SLC2A13: variants seen among roughly 807,000 people sequenced by gnomAD.
SLC2A13 encodes proton myo-inositol cotransporter.
Under a neutral mutation model 64.4 loss-of-function variants are expected in SLC2A13, and 32 were observed. The observed-to-expected ratio is 0.50, with a 90% CI of 0.37 to 0.67. The LOEUF (loss-of-function observed/expected upper bound fraction) is 0.67. Among genes scored for constraint, SLC2A13 ranks in the 30% least tolerant of loss-of-function variants. SLC2A13 has a pLI of 0.00. For missense variants in SLC2A13, 743 were observed against 829.2 expected, an observed-to-expected ratio of 0.90 and a Z score of 1.28; for synonymous variants, 338 against 327.1, an observed-to-expected ratio of 1.03 and a Z score of -0.36.
chr12:39,797,738 A>ACACATACG (rs767623790), intron 7 of SLC2A13, among the ~76,000 whole-genome samples: 14,438 of 52,438 alleles, frequency 0.28, 887 homozygotes, highest in Non-Finnish European at 0.36. Flanking sequence ...ACACACACAC[A>ACACATACG]CACACACACA....
intron 7 of SLC2A13, among the ~76,000 whole-genome samples, chr12:39,806,991 T>C (rs1009660955): frequency 2.0e-5 from 3 of 152,190 alleles, no homozygotes; most frequent in Non-Finnish European, 4.4e-5. Flanking sequence ...TACGATCCTA[T>C]TTATTAAACG....
chr12:39,868,085 T>C (rs1017242584), intron 5 of SLC2A13, among the ~76,000 whole-genome samples: 3 of 152,230 alleles, frequency 2.0e-5, no homozygotes, highest in African/African-American at 7.2e-5. Flanking sequence ...CAGTCCCTTG[T>C]TAGTATTTAA....
At chr12:39,834,004 C>A (rs78763409) in intron 6 of SLC2A13, among the ~76,000 whole-genome samples, 2,137 of 151,632 alleles carry the variant, frequency 0.014, 39 homozygotes, top group African/African-American at 0.047. Flanking sequence ...AGAATCTGAA[C>A]AAACAGGCCT....
chr12:39,825,706 CTCT>C (rs1942650237), intron 7 of SLC2A13, among the ~76,000 whole-genome samples: 1 of 152,064 alleles, frequency 6.6e-6, no homozygotes, highest in African/African-American at 2.4e-5. Flanking sequence ...TGCCTTCTCT[CTCT>C]TCTTGATTAG....
chr12:39,875,214 TC>T (rs1426295692), intron 4 of SLC2A13, among the ~76,000 whole-genome samples: 1 of 152,204 alleles, frequency 6.6e-6, no homozygotes, highest in African/African-American at 2.4e-5. Context: ...TAGAGCTCTG[TC>T]CCTTCCTGGA....
intron 7 of SLC2A13, among the ~76,000 whole-genome samples, chr12:39,822,669 T>TAAA (rs1234534856): frequency 6.6e-6 from 1 of 152,206 alleles, no homozygotes; most frequent in African/African-American, 2.4e-5. Context: ...ATCCTTATAA[T>TAAA]AAAAATCTTA....
In SLC2A13 at chr12:39,817,512, T is replaced by C. The variant is rs191399701; in HGVS notation, c.1445+12591A>G. On this transcript the variant is annotated intron_variant, in intron 7 of 9. Transcript: ENST00000280871. ...ATTTTCTTGCCTGAAATGAAACTTT[T>C]GCATCATAAAACACCAAACTTTTAT... 1.8e-3 allele frequency among the ~76,000 whole-genome samples: 270 copies of C among 152,288 alleles called. 2 individuals carry two copies. Among genetic ancestry groups the C allele is most frequent in the Non-Finnish European group, 2.9e-3 (198 of 68,026 alleles).
At chr12:39,778,309 C>T (rs1422430747) in intron 7 of SLC2A13, among the ~76,000 whole-genome samples, 1 of 152,192 alleles carries the variant, frequency 6.6e-6, no homozygotes, top group East Asian at 1.9e-4. Flanking sequence ...TCAGTAGCAC[C>T]CTGCCCATGT....
intron 4 of SLC2A13, among the ~76,000 whole-genome samples, chr12:39,892,880 C>G (rs1232025366): frequency 6.6e-6 from 1 of 151,706 alleles, no homozygotes; most frequent in Non-Finnish European, 1.5e-5. Flanking sequence ...CTCAATAAAG[C>G]AAAATTGTAG....
chr12:39,951,383 G>A lies in SLC2A13; in HGVS notation c.926-18C>T, dbSNP rs199555618. On this transcript the variant is annotated intron_variant, in intron 3 of 9. Coordinates refer to ENST00000280871, the MANE Select transcript of SLC2A13 (RefSeq NM_052885.4). ...AGGTCCAGCTTTTTTAAGAAAGAAA[G>A]AAAAAAAAAATACAACTATTATTTT... The A allele has an allele frequency of 1.2e-4, 161 of 1,372,392 alleles. No homozygotes were observed. Among genetic ancestry groups the A allele is most frequent in the Admixed American group, 3.4e-4 (14 of 41,296 alleles). 85.0% of individuals were successfully genotyped at this position (1,372,392 alleles called of 1,614,324 possible). A position where few individuals can be genotyped will look rare whatever the true frequency, so the allele number is the denominator to read the frequency against.
At chr12:39,818,027 C>T (rs1942386790) in intron 7 of SLC2A13, among the ~76,000 whole-genome samples, 1 of 152,180 alleles carries the variant, frequency 6.6e-6, no homozygotes, top group Non-Finnish European at 1.5e-5. Flanking sequence ...TATGGTAACA[C>T]TTTCCAGCTC....
intron 1 of SLC2A13, among the ~76,000 whole-genome samples, chr12:40,098,054 T>G (rs1939015509): frequency 6.6e-6 from 1 of 151,040 alleles, no homozygotes; most frequent in African/African-American, 2.4e-5. Context: ...TATGTGTATA[T>G]ATGTATATAT....
chr12:39,913,483 A>C (rs1945464515), intron 4 of SLC2A13, among the ~76,000 whole-genome samples: 1 of 151,468 alleles, frequency 6.6e-6, no homozygotes. Context: ...AAATTTAGTC[A>C]TCAAAAGACT....
At chr12:39,872,857 C>T (rs906806050) in intron 4 of SLC2A13, among the ~76,000 whole-genome samples, 1 of 152,082 alleles carries the variant, frequency 6.6e-6, no homozygotes, top group Non-Finnish European at 1.5e-5. Flanking sequence ...ATGGCTTTGC[C>T]CAGCTTTTCA....
intron 7 of SLC2A13, chr12:39,802,279 T>C (rs961730081): frequency 6.6e-6 from 1 of 152,182 alleles, no homozygotes; most frequent in Admixed American, 6.6e-5. Context: ...TTATGTAGCC[T>C]GTCATTCAGG....
At chr12:40,098,319 G>A (rs1471855176) in intron 1 of SLC2A13, among the ~76,000 whole-genome samples, 4 of 152,184 alleles carry the variant, frequency 2.6e-5, no homozygotes, top group African/African-American at 7.2e-5. Context: ...GTAGAAAGGT[G>A]GGTTGCCAAG....
intron 4 of SLC2A13, among the ~76,000 whole-genome samples, chr12:39,900,442 T>C (rs1945060510): frequency 6.6e-6 from 1 of 152,070 alleles, no homozygotes; most frequent in Non-Finnish European, 1.5e-5. Flanking sequence ...GAAAACCCCA[T>C]CGTCTCAGCC....
intron 3 of SLC2A13, among the ~76,000 whole-genome samples, chr12:39,976,406 G>A (rs902614224): frequency 1.3e-5 from 2 of 152,178 alleles, no homozygotes; most frequent in South Asian, 2.1e-4. Flanking sequence ...CTTCATGACC[G>A]CAGAGTTGCA....
intron 4 of SLC2A13, among the ~76,000 whole-genome samples, chr12:39,929,845 C>T (rs888017505): frequency 6.6e-6 from 1 of 152,028 alleles, no homozygotes; most frequent in African/African-American, 2.4e-5. Context: ...GAATGCGGCA[C>T]TTGGGCTGGG....
Sources: gnomAD v4.1 joint callset for allele counts (sites outside exome capture counted in the v4.1 genomes callset) on GRCh38, gnomAD v4.1.1 for gene constraint, MANE v1.5 for transcripts, NCBI Gene and HGNC (gene_info 2026-07-23, HGNC 2026-07-21) for gene names.